Variants in PARG observed in about 807,000 individuals in gnomAD.
PARG encodes the protein mitochondrial poly(ADP-ribose) glycohydrolase.
Under a neutral mutation model 113.0 loss-of-function variants are expected in PARG, and 35 were observed. That is an observed-to-expected ratio of 0.31 (90% CI 0.24 to 0.41). The LOEUF (loss-of-function observed/expected upper bound fraction) is 0.41, where lower values mean the gene tolerates loss of function less well. Among genes scored for constraint, PARG ranks in the 10% least tolerant of loss-of-function variants. The pLI is 1.00. For synonymous variants in PARG, 330 were observed against 409.9 expected (o/e 0.81, Z 2.36); for missense variants, 797 against 1,169.4 (o/e 0.68, Z 4.64).
chr10:49,935,255 T>G, intron 1 of PARG, 113 bp from the exon 2 acceptor site: 1 of 591,764 alleles, frequency 1.7e-6, no homozygotes, highest in Non-Finnish European at 3.1e-6. Context: ...GATTAATAAC[T>G]CAAGTATTTG....
chr10:49,842,145 T>C, intron 14 of PARG, 87 bp from the exon 15 acceptor site: 1 of 855,970 alleles, frequency 1.2e-6, no homozygotes, highest in Non-Finnish European at 1.9e-6. Flanking sequence ...GCCAAGACTT[T>C]AGCTCTGTTA....
chr10:49,889,282 G>A (rs1164927241), intron 7 of PARG, among the ~76,000 whole-genome samples: 2 of 151,970 alleles, frequency 1.3e-5, no homozygotes, highest in Admixed American at 6.6e-5. Flanking sequence ...GATATTTGGG[G>A]TATTATAAAT....
chr10:49,933,953 C>A lies in PARG; in HGVS notation c.495G>T (p.Glu165Asp). The A allele has an allele frequency of 6.2e-6, 10 of 1,600,916 alleles. No homozygotes were observed. Among genetic ancestry groups the A allele is most frequent in the Non-Finnish European group, 8.6e-6 (10 of 1,167,994 alleles). Residue 165 changes from glutamate (E) to aspartate (D), a missense_variant, in exon 3 of 18, where the codon GAG (glutamate) becomes GAT (aspartate). Coordinates refer to ENST00000616448, the MANE Select transcript of PARG (RefSeq NM_003631.5). ...CKWQNEGKHT[E>D]QLLESEPQTV... ...TTTGAGGTTCACTTTCCAAAAGCTG[C>A]TCCGTGTGTTTCCCTTCATTTTGCC...
In PARG at chr10:49,933,340, A is replaced by G. The variant is rs1554910323; in HGVS notation, c.1108T>C (p.Phe370Leu). The G allele has an allele frequency of 3.7e-5, 60 of 1,612,590 alleles. No homozygotes were observed. The highest frequency in any genetic ancestry group is 4.8e-5 in the Non-Finnish European group (57 of 1,178,826). ...CCAGTGCGACTCTCTCCTCCTTCAAATTGGAAATGTAATCTAACTTCACCG... is the reference window on the plus strand; with the variant it reads ...CCAGTGCGACTCTCTCCTCCTTCAAGTTGGAAATGTAATCTAACTTCACCG... ...KGGEVRLHFQ[F>L]EGGESRTGMN... The change falls in exon 3 of 18, where the codon TTT becomes CTT. Residue 370 changes from phenylalanine (F) to leucine (L), a missense_variant. By Grantham distance (22) the Phe-to-Leu change is conservative (BLOSUM62 0). Coordinates refer to ENST00000616448, the MANE Select transcript of PARG (RefSeq NM_003631.5).
chr10:49,897,165 T>A (rs782625205), intron 7 of PARG, among the ~76,000 whole-genome samples: 12 of 152,224 alleles, frequency 7.9e-5, no homozygotes, highest in Non-Finnish European at 1.6e-4. Flanking sequence ...TGTACCATAC[T>A]GACTTCATTA....
intron 12 of PARG, among the ~76,000 whole-genome samples, chr10:49,858,873 A>C (rs2664630): frequency 5.9e-5 from 9 of 152,038 alleles, no homozygotes; most frequent in East Asian, 3.9e-4. Flanking sequence ...AATTCAACAA[A>C]TATTTACTGA....
rs146120608 is a variant in PARG at position 49,820,300 on chromosome 10, C to T, written c.2648-7G>A. 1,146 of 1,544,716 alleles carry T rather than the reference C, an allele frequency of 7.4e-4. 11 individuals are homozygous for T. In the African/African-American group the frequency reaches 0.014, roughly 19 times the overall value. ...GCCAATATCTGTATTAAGGCTGAGG[C>T]AAAGAGAAAAGACACGGCTATATCA... On this transcript the variant is annotated splice_polypyrimidine_tract_variant and splice_region_variant and intron_variant, in intron 16 of 17. Transcript: ENST00000616448.
chr10:49,842,079 G>A, intron 14 of PARG, 21 bp from the exon 15 acceptor site: 1 of 1,499,264 alleles, frequency 6.7e-7, no homozygotes, highest in Non-Finnish European at 9.1e-7. Flanking sequence ...AAGGAAAGGG[G>A]AGAAAAGATA....
chr10:49,927,945 C>T (rs1200614420), intron 4 of PARG, among the ~76,000 whole-genome samples: 4 of 145,888 alleles, frequency 2.7e-5, no homozygotes, highest in Non-Finnish European at 4.5e-5. Context: ...GCCTGGGTGA[C>T]GGAGTGAGAT....
intron 16 of PARG, among the ~76,000 whole-genome samples, chr10:49,823,104 A>G (rs1017843090): frequency 2.6e-5 from 4 of 152,184 alleles, no homozygotes; most frequent in Admixed American, 6.5e-5. Context: ...TATGAATTTA[A>G]TAACTATAAT....
rs1838597347 is a variant in PARG at position 49,933,608 on chromosome 10, T to A, written c.840A>T (p.Lys280Asn). ...DVGTGPKNDN[K>N]LTRQESCLGN... ...CTAGGCAACTTTCTTGTCTAGTCAA[T>A]TTGTTGTCATTTTTTGGCCCAGTAC... Residue 280 changes from lysine (K) to asparagine (N), a missense_variant, in exon 3 of 18, where the codon AAA becomes AAT. Around this residue, in one of 5 missense-constraint regions of PARG, gnomAD observed 284 missense variants for 306.1 expected, o/e 0.93. Transcript: ENST00000616448. The A allele has an allele frequency of 4.3e-6, 7 of 1,610,782 alleles. No individual in the cohort carries two copies. In the African/African-American group the frequency reaches 9.4e-5, roughly 22 times the overall value.
At chr10:49,822,438 A>G (rs1448805042) in intron 16 of PARG, among the ~76,000 whole-genome samples, 1 of 152,206 alleles carries the variant, frequency 6.6e-6, no homozygotes, top group Non-Finnish European at 1.5e-5. Flanking sequence ...TGACCTCAAA[A>G]TATTTTGTTA....
chr10:49,928,496 G>A (rs1382726604), intron 4 of PARG, among the ~76,000 whole-genome samples: 5 of 152,062 alleles, frequency 3.3e-5, no homozygotes, highest in Admixed American at 6.5e-5. Flanking sequence ...GTTGGAAATC[G>A]ACCACTAAGT....
At chr10:49,857,501 C>A (rs782586151) in intron 12 of PARG, 48 bp from the exon 13 acceptor site, 25 of 1,434,000 alleles carry the variant, frequency 1.7e-5, no homozygotes, top group Non-Finnish European at 1.8e-5. Flanking sequence ...AATACCTACA[C>A]ATATGATCAA....
chr10:49,832,976 C>A, intron 15 of PARG, 68 bp from the exon 16 acceptor site: 1 of 756,368 alleles, frequency 1.3e-6, no homozygotes, highest in South Asian at 1.9e-5. Context: ...GACTGATGTA[C>A]TAGGATCAGT....
intron 8 of PARG, among the ~76,000 whole-genome samples, chr10:49,883,267 T>C (rs1226216266): frequency 6.6e-6 from 1 of 152,110 alleles, no homozygotes; most frequent in Non-Finnish European, 1.5e-5. Context: ...CTGCAATGCA[T>C]GGGACCATTA....
chr10:49,892,378 G>C (rs1222577074), intron 7 of PARG, among the ~76,000 whole-genome samples: 36 of 151,964 alleles, frequency 2.4e-4, no homozygotes, highest in Admixed American at 1.8e-3. Context: ...TGAGAACTTA[G>C]GTGTGTGTGC....
At chr10:49,917,488 CAAAAAAAA>C (rs71026277) in intron 6 of PARG, among the ~76,000 whole-genome samples, 14 of 47,660 alleles carry the variant, frequency 2.9e-4, no homozygotes, top group East Asian at 1.2e-3. Context: ...GACTCCGTCT[CAAAAAAAA>C]AAAAAAAAAA....
At chr10:49,864,233 T>C (rs1846386778) in intron 11 of PARG, among the ~76,000 whole-genome samples, 1 of 152,146 alleles carries the variant, frequency 6.6e-6, no homozygotes, top group East Asian at 1.9e-4. Context: ...GATGCCAAAA[T>C]GCTGTACGTG....
Sources: gnomAD v4.1 joint callset for allele counts (sites outside exome capture counted in the v4.1 genomes callset) on GRCh38, gnomAD v4.1.1 for gene constraint, gnomAD v4.1.1 regional missense constraint, MANE v1.5 for transcripts, NCBI Gene and HGNC (gene_info 2026-07-23, HGNC 2026-07-21) for gene names.